The following FAM72B variants were observed in gnomAD, a reference collection of about 807,000 sequenced individuals.
FAM72B encodes the protein protein FAM72B.
A neutral mutation model predicts 12.6 loss-of-function variants in FAM72B; 4 were observed. The ratio of observed to expected loss-of-function variants is 0.32; its 90% CI spans 0.16 to 0.73. FAM72B has a LOEUF of 0.73. Among genes scored for constraint, FAM72B ranks in the 30% least tolerant of loss-of-function variants. The pLI is 0.67. For missense variants in FAM72B, 61 were observed against 158.4 expected (o/e 0.39, Z 3.30); for synonymous variants, 13 against 53.9 (o/e 0.24, Z 3.32).
intron 3 of FAM72B, among the ~76,000 whole-genome samples, chr1:121,169,766 G>T (rs1333752264): frequency 1.3e-5 from 2 of 151,424 alleles, no homozygotes; most frequent in Admixed American, 1.3e-4. Context: ...ATAAACAAAA[G>T]AATAATCAAA....
chr1:121,180,404 C>G (rs1654308035), intron 2 of FAM72B, among the ~76,000 whole-genome samples: 1 of 134,890 alleles, frequency 7.4e-6, no homozygotes, highest in Non-Finnish European at 1.5e-5. Context: ...AAAAAATTAG[C>G]TGGGCATGGT....
At chr1:121,169,213 GT>G (rs1323451267) in intron 3 of FAM72B, among the ~76,000 whole-genome samples, 1 of 127,822 alleles carries the variant, frequency 7.8e-6, no homozygotes, top group Non-Finnish European at 1.6e-5. Context: ...GTAGATACAG[GT>G]TCCCACTATG....
Position 121,179,400 on chromosome 1 carries a change from G to A in FAM72B, c.230+1871C>T, listed in dbSNP as rs782139145. Reference sequence around the variant, plus strand: ...CTCAAAACAAAACAAAAAAAATGTCGTTGCCCAGGTGCGGTGGCTCACACC... The same window carrying A: ...CTCAAAACAAAACAAAAAAAATGTCATTGCCCAGGTGCGGTGGCTCACACC... On this transcript the variant is annotated intron_variant, in intron 2 of 3. Coordinates refer to ENST00000369390, the MANE Select transcript of FAM72B (RefSeq NM_001100910.2). Among the ~76,000 whole-genome samples the A allele has an allele frequency of 1.0e-3, 150 of 148,228 alleles. 1 individual carries two copies. The highest frequency in any genetic ancestry group is 1.8e-3 in the Non-Finnish European group (121 of 66,842).
chr1:121,180,330 T>C (rs1477904582), intron 2 of FAM72B, among the ~76,000 whole-genome samples: 1 of 98,860 alleles, frequency 1.0e-5, no homozygotes, highest in African/African-American at 5.1e-5. Context: ...TCACCTGAGG[T>C]TGGGAGTTCA....
intron 2 of FAM72B, among the ~76,000 whole-genome samples, chr1:121,178,715 C>T (rs1486458166): frequency 1.3e-5 from 2 of 152,052 alleles, no homozygotes; most frequent in Non-Finnish European, 2.9e-5. Flanking sequence ...CAAAACAAAG[C>T]CCTTGTTCTC....
intron 2 of FAM72B, among the ~76,000 whole-genome samples, chr1:121,179,765 T>G (rs1220505157): frequency 7.0e-6 from 1 of 142,142 alleles, no homozygotes; most frequent in Non-Finnish European, 1.5e-5. Flanking sequence ...GAGGCGGAGG[T>G]TGCAGTAAGC....
intron 3 of FAM72B, among the ~76,000 whole-genome samples, chr1:121,172,310 GT>G (rs1431132489): frequency 1.6e-5 from 2 of 122,736 alleles, no homozygotes; most frequent in African/African-American, 7.1e-5. Context: ...TCCAGCCTGG[GT>G]GACAGAGCAA....
rs1479807169 is a variant in FAM72B at position 121,180,321 on chromosome 1, C to T, written c.230+950G>A. On this transcript the variant is annotated intron_variant, in intron 2 of 3. Transcript: ENST00000369390. ...CTTTGGCAGGCCGAGGCAGGCGGAT[C>T]ACCTGAGGTTGGGAGTTCAAGAGCA... 2.7e-3 allele frequency among the ~76,000 whole-genome samples: 258 copies of T among 96,274 alleles called. 3 individuals are homozygous for T. The highest frequency in any genetic ancestry group is 0.013 in the African/African-American group (239 of 18,922). 63.2% of individuals were successfully genotyped at this position (96,274 alleles called of 152,430 possible). A position where few individuals can be genotyped will look rare whatever the true frequency, so the allele number is the denominator to read the frequency against.
rs2788831 is a variant in FAM72B at position 121,168,827 on chromosome 1, T to A, written c.364A>T (p.Ile122Phe). 1.9e-6 allele frequency: 3 copies of A among 1,607,198 alleles called. No individual in the cohort carries two copies. Among genetic ancestry groups the A allele is most frequent in the Non-Finnish European group, 2.5e-6 (3 of 1,178,554 alleles). The change falls in exon 4 of 4, where the codon ATC (isoleucine) becomes TTC (phenylalanine). Residue 122 changes from isoleucine (I) to phenylalanine (F), a missense_variant. Ile to Phe is a conservative substitution (Grantham distance 21). Transcript: ENST00000369390. ...TCTGGCAAGTTGCCCCAAAGTAGGATGTTTACACCTGAAAATAAAAAATCA... is the reference window on the plus strand; with the variant it reads ...TCTGGCAAGTTGCCCCAAAGTAGGAAGTTTACACCTGAAAATAAAAAATCA... ...INRLDSTGVNILLWGNLPEIE... is the reference protein window; with the variant it reads ...INRLDSTGVNFLLWGNLPEIE...
At chr1:121,179,418 C>T (rs1285768561) in intron 2 of FAM72B, among the ~76,000 whole-genome samples, 1 of 147,556 alleles carries the variant, frequency 6.8e-6, no homozygotes, top group Non-Finnish European at 1.5e-5. Flanking sequence ...GGTGCGGTGG[C>T]TCACACCTGT....
At position 121,168,844 on chromosome 1, in the gene FAM72B, A is replaced by G. The variant is rs1367776415; in HGVS notation, c.356-9T>C. 1.2e-6 allele frequency: 2 copies of G among 1,603,812 alleles called. No individual in the cohort carries two copies. The highest frequency in any genetic ancestry group is 1.7e-6 in the Non-Finnish European group (2 of 1,177,578). On this transcript the variant is annotated splice_polypyrimidine_tract_variant and intron_variant, in intron 3 of 3. Coordinates refer to ENST00000369390, the MANE Select transcript of FAM72B (RefSeq NM_001100910.2). ...AAGTAGGATGTTTACACCTGAAAAT[A>G]AAAAATCATAAAATTCTTTAATGCT...
chr1:121,183,622 G>A lies in FAM72B; in HGVS notation c.-133C>T, dbSNP rs1457928232. On this transcript the variant is annotated 5_prime_UTR_variant, in exon 1 of 4. Coordinates refer to ENST00000369390, the MANE Select transcript of FAM72B (RefSeq NM_001100910.2). ...TTTTCTAAGTCCTAATATTGGGAAG[G>A]AAATTAGTTTTTTTTTTCTGTTTTC... The A allele has an allele frequency of 1.1e-5, 17 of 1,567,944 alleles. No individual in the cohort carries two copies. Among genetic ancestry groups the A allele is most frequent in the Non-Finnish European group, 1.5e-5 (17 of 1,162,924 alleles).
chr1:121,174,950 G>A (rs1463087445), intron 3 of FAM72B, among the ~76,000 whole-genome samples: 1 of 152,094 alleles, frequency 6.6e-6, no homozygotes, highest in Non-Finnish European at 1.5e-5. Flanking sequence ...ATCTGGCAGA[G>A]ATTTTTAATA....
chr1:121,175,279 C>A (rs1553316694), intron 3 of FAM72B, among the ~76,000 whole-genome samples: 1 of 152,132 alleles, frequency 6.6e-6, no homozygotes, highest in Non-Finnish European at 1.5e-5. Flanking sequence ...CAGAAAAATC[C>A]CTTTGAAAAC....
rs374248802 is a variant in FAM72B, at chr1:121,177,591, T to C, written c.231-259A>G. Among the ~76,000 whole-genome samples, 1,220 of 135,248 alleles carry C rather than the reference T, an allele frequency of 9.0e-3. 20 individuals carry two copies. The highest frequency in any genetic ancestry group is 0.034 in the African/African-American group (1,080 of 31,496). The allele number at this position is 135,248 out of a possible 152,430, so 88.7% of individuals were successfully genotyped here. Reference sequence around the variant, plus strand: ...TTATTATTATTATTATTATTGAGACTGAGTTTTGCTCTTGTCACCCAGGCT... The same window carrying C: ...TTATTATTATTATTATTATTGAGACCGAGTTTTGCTCTTGTCACCCAGGCT... On this transcript the variant is annotated intron_variant, in intron 2 of 3. Coordinates refer to ENST00000369390, the MANE Select transcript of FAM72B (RefSeq NM_001100910.2).
intron 2 of FAM72B, 55 bp from the exon 3 acceptor site, chr1:121,177,387 C>CT (rs1432088840): frequency 6.3e-7 from 1 of 1,575,920 alleles, no homozygotes; most frequent in Non-Finnish European, 8.6e-7. Context: ...CCAGATAAGT[C>CT]TTTTCATATT....
chr1:121,173,434 CT>C (rs2101316523), intron 3 of FAM72B, among the ~76,000 whole-genome samples: 1 of 139,710 alleles, frequency 7.2e-6, no homozygotes, highest in African/African-American at 2.7e-5. Context: ...CTCAATTGTG[CT>C]TTAGTTTATT....
chr1:121,168,642 T>C lies in FAM72B; in HGVS notation c.*99A>G. 8.9e-7 allele frequency: 1 copy of C among 1,124,838 alleles called. No individual in the cohort carries two copies. The highest frequency in any genetic ancestry group is 1.2e-6 in the Non-Finnish European group (1 of 830,760). The allele number at this position is 1,124,838 out of a possible 1,614,324, so 69.7% of individuals were successfully genotyped here. On this transcript the variant is annotated 3_prime_UTR_variant, in exon 4 of 4. Transcript: ENST00000369390. ...ATCAACAAATGCCCCATTTTTGTTT[T>C]CCAAAAAAGATCACTGGCAACTAAC...
intron 3 of FAM72B, among the ~76,000 whole-genome samples, chr1:121,174,849 T>C (rs1384205050): frequency 1.3e-5 from 2 of 150,952 alleles, no homozygotes; most frequent in African/African-American, 2.4e-5. Context: ...AGTTCTACTA[T>C]ATTGGTCAGG....
Sources: gnomAD v4.1 joint callset for allele counts (sites outside exome capture counted in the v4.1 genomes callset) on GRCh38, gnomAD v4.1.1 for gene constraint, MANE v1.5 for transcripts, NCBI Gene and HGNC (gene_info 2026-07-23, HGNC 2026-07-21) for gene names.